Variants in SH3TC1 observed in about 807,000 individuals in gnomAD.
SH3TC1 encodes the protein SH3 domain and tetratricopeptide repeat-containing protein 1.
Under a neutral mutation model 117.3 loss-of-function variants are expected in SH3TC1, and 135 were observed. The ratio of observed to expected loss-of-function variants is 1.15; its 90% CI spans 1.00 to 1.33. The LOEUF (loss-of-function observed/expected upper bound fraction) is 1.33. Ranked by LOEUF, SH3TC1 falls within the 40% of genes most tolerant of loss-of-function variation. SH3TC1 has a pLI of 0.00. For missense variants in SH3TC1, 2,092 were observed against 1,794.3 expected, an observed-to-expected ratio of 1.17 and a Z score of -3.00; for synonymous variants, 898 against 816.9, an observed-to-expected ratio of 1.10 and a Z score of -1.69.
rs578049364 is a variant in SH3TC1, at chr4:8,233,347, C to T, written c.3132-16C>T. ...AGGATGACAGCCCTTGTTCTGACAC[C>T]TGTGTCTGATACCAGGGCCTACAAA... On this transcript the variant is annotated splice_polypyrimidine_tract_variant and intron_variant, in intron 13 of 17. Coordinates refer to ENST00000245105, the MANE Select transcript of SH3TC1 (RefSeq NM_018986.5). The T allele has an allele frequency of 1.9e-6, 3 of 1,596,246 alleles. No homozygotes were observed. In the African/African-American group the frequency reaches 4.0e-5, roughly 21 times the overall value.
At chr4:8,234,266 CCCAT>C (rs1205040546) in intron 14 of SH3TC1, among the ~76,000 whole-genome samples, 16 of 151,370 alleles carry the variant, frequency 1.1e-4, no homozygotes, top group Non-Finnish European at 2.2e-4. Context: ...TGTTTGTCCA[CCCAT>C]CCATTTATCC....
rs186048495 is a variant in SH3TC1, at chr4:8,206,355, C to T, written c.172+989C>T. 1.7e-3 allele frequency among the ~76,000 whole-genome samples: 253 copies of T among 152,048 alleles called. No individual in the cohort carries two copies. The highest frequency in any genetic ancestry group is 5.7e-3 in the African/African-American group (235 of 41,460). ...TGGGGAGCCCACCTGGCCATGGAAT[C>T]GCGTTCCCTCCAGGGCAGGCCTCAT... On this transcript the variant is annotated intron_variant, in intron 2 of 17. Transcript: ENST00000245105. This position sits in a 1 kb window ranked among gnomAD's most constrained non-coding sequence, Gnocchi z 5.5.
At chr4:8,191,780 T>C (rs1717422822) in intron 1 of SH3TC1, among the ~76,000 whole-genome samples, 1 of 151,946 alleles carries the variant, frequency 6.6e-6, no homozygotes, top group Non-Finnish European at 1.5e-5. Context: ...GATAATGCCT[T>C]GGGAGGTGTG....
In SH3TC1 at chr4:8,241,081, G is replaced by A; in HGVS notation, c.*126G>A. The A allele has an allele frequency of 7.5e-7, 1 of 1,332,756 alleles. No homozygotes were observed. Among genetic ancestry groups the A allele is most frequent in the Non-Finnish European group, 1.0e-6 (1 of 997,318 alleles). The allele number at this position is 1,332,756 out of a possible 1,614,324, so 82.6% of individuals were successfully genotyped here. On this transcript the variant is annotated 3_prime_UTR_variant, in exon 18 of 18. Transcript: ENST00000245105. ...GCAGGGGCCAAATAGCAATAAATGG[G>A]TTTTGTTTTTTTTTTGCAATAACTT...
Position 8,192,545 on chromosome 4 carries a change from G to T in SH3TC1, c.-57+10335G>T, listed in dbSNP as rs192871992. ...GTCTCACTCTGTTGCCCAGGCTGGA[G>T]TGCCGTGGCATGATCTCAGCTCACT... On this transcript the variant is annotated intron_variant, in intron 1 of 16. Transcript: ENST00000508641. The surrounding 1 kb of genome is among the most constrained non-coding windows in gnomAD (Gnocchi z 4.1). 2.6e-3 allele frequency among the ~76,000 whole-genome samples: 390 copies of T among 151,510 alleles called. 1 individual carries two copies. Among genetic ancestry groups the T allele is most frequent in the Middle Eastern group, 6.8e-3 (2 of 294 alleles).
In SH3TC1 at chr4:8,206,658, A is replaced by G. The variant is rs914655502; in HGVS notation, c.172+1292A>G. Among the ~76,000 whole-genome samples the G allele has an allele frequency of 6.6e-6, 1 of 151,548 alleles. No homozygotes were observed. Among genetic ancestry groups the G allele is most frequent in the Admixed American group, 6.6e-5 (1 of 15,250 alleles). On this transcript the variant is annotated intron_variant, in intron 2 of 17. Coordinates refer to ENST00000245105, the MANE Select transcript of SH3TC1 (RefSeq NM_018986.5). The surrounding 1 kb of genome is among the most constrained non-coding windows in gnomAD (Gnocchi z 5.5). ...TGAGGAAACTTTCCCTGCTTGGCCA[A>G]GGGAAAGCTGGCTTGGGGTGGGGCT... is the stretch of plus-strand genomic sequence containing the variant.
rs912666162 is a variant in SH3TC1 at position 8,190,719 on chromosome 4, C to T, written c.-57+8509C>T. Among the ~76,000 whole-genome samples, 2 of 152,090 alleles carry T rather than the reference C, an allele frequency of 1.3e-5. No individual in the cohort carries two copies. Among genetic ancestry groups the T allele is most frequent in the Non-Finnish European group, 2.9e-5 (2 of 68,002 alleles). ...GCAGTAGTGTGGTTATCGCTCGCTGCAGCCTCCAACTCCTGGGCTCAAGCA... is the reference window on the plus strand; with the variant it reads ...GCAGTAGTGTGGTTATCGCTCGCTGTAGCCTCCAACTCCTGGGCTCAAGCA... On this transcript the variant is annotated intron_variant, in intron 1 of 16. Coordinates refer to the SH3TC1 transcript ENST00000508641. The surrounding 1 kb of genome is among the most constrained non-coding windows in gnomAD (Gnocchi z 4.7).
chr4:8,217,953 A>G (rs765957631), intron 7 of SH3TC1, among the ~76,000 whole-genome samples: 1 of 151,784 alleles, frequency 6.6e-6, no homozygotes, highest in Non-Finnish European at 1.5e-5. Flanking sequence ...CTCACCCCTC[A>G]CTGTGTGGAG....
chr4:8,201,541 C>A (rs997449545), intron 1 of SH3TC1: 2 of 152,528 alleles, frequency 1.3e-5, no homozygotes, highest in Non-Finnish European at 2.9e-5. Context: ...GGTGGTCCCC[C>A]AGCTGGGTGA....
Position 8,225,153 on chromosome 4 carries a change from C to T in SH3TC1, c.1244-22C>T. The T allele has an allele frequency of 1.2e-6, 2 of 1,613,560 alleles. No individual in the cohort carries two copies. Among genetic ancestry groups the T allele is most frequent in the Non-Finnish European group, 1.7e-6 (2 of 1,179,858 alleles). ...AGGTACTGGCTGGGGGTGTTGATTGCTTCTCTTTTCTCCCTTGCCAGACTC... is the reference window on the plus strand; with the variant it reads ...AGGTACTGGCTGGGGGTGTTGATTGTTTCTCTTTTCTCCCTTGCCAGACTC... On this transcript the variant is annotated intron_variant, in intron 10 of 17. Transcript: ENST00000245105. This position sits in a 1 kb window ranked among gnomAD's most constrained non-coding sequence, Gnocchi z 5.5.
At chr4:8,212,580 C>T in intron 3 of SH3TC1, 121 bp from the exon 4 acceptor site, 1 of 1,389,370 alleles carries the variant, frequency 7.2e-7, no homozygotes, top group Non-Finnish European at 9.8e-7. Flanking sequence ...TCCCCAGGAG[C>T]TCACTGCCCA....
chr4:8,229,851 C>T (rs191095748), intron 12 of SH3TC1, among the ~76,000 whole-genome samples: 8 of 152,240 alleles, frequency 5.3e-5, no homozygotes, highest in Admixed American at 6.5e-5. Context: ...CGAGGCCCTC[C>T]CCGGGGTGCT....
rs200703857 is a variant in SH3TC1, at chr4:8,193,734, G to T, written c.-57+11524G>T. Among the ~76,000 whole-genome samples, 37 of 152,304 alleles carry T rather than the reference G, an allele frequency of 2.4e-4. No homozygotes were observed. In the East Asian group the frequency reaches 2.9e-3, roughly 12 times the overall value. ...GGGGTGCTGCCATCGCCAGTGGCAG[G>T]TGGGGCTCCAAGCTGCAAAAAGCAG... On this transcript the variant is annotated intron_variant, in intron 1 of 16. Transcript: ENST00000508641.
intron 5 of SH3TC1, 114 bp from the exon 6 acceptor site, chr4:8,215,997 T>C: frequency 7.7e-7 from 1 of 1,305,476 alleles, no homozygotes. Context: ...GTGTCTTCCA[T>C]GGTCTCCCTG....
Position 8,236,292 on chromosome 4 carries a change from C to T in SH3TC1, c.3420C>T (p.Pro1140=). 1 of 1,554,906 alleles carries T rather than the reference C, an allele frequency of 6.4e-7. No homozygotes were observed. The highest frequency in any genetic ancestry group is 8.7e-7 in the Non-Finnish European group (1 of 1,150,100). The change falls in exon 16 of 18, where the codon CCC becomes CCT. Residue 1140 remains proline, a synonymous_variant. Transcript: ENST00000245105. The part of the protein sequence containing the change: ...AVSFYRDRAL[P]LAVTTGNRKA... ...CTGTGTGGCAGGACCGGGCCCTGCC[C>T]CTGGCAGTGACTACGGGCAACCGCA...
chr4:8,189,253 A>G lies in SH3TC1; in HGVS notation c.-57+7043A>G, dbSNP rs375321072. ...TGTGCTGGGCACGTGGCCCACAGAG[A>G]GCAAGGCCCGCCAGTCTCCTCGCTG... is the stretch of plus-strand genomic sequence containing the variant. On this transcript the variant is annotated intron_variant, in intron 1 of 16. Transcript: ENST00000508641. Among the ~76,000 whole-genome samples, 14 of 152,282 alleles carry G rather than the reference A, an allele frequency of 9.2e-5. No individual in the cohort carries two copies. In the South Asian group the frequency reaches 1.2e-3, roughly 14 times the overall value.
At chr4:8,221,660 G>T (rs1395949177) in intron 9 of SH3TC1, among the ~76,000 whole-genome samples, 1 of 152,090 alleles carries the variant, frequency 6.6e-6, no homozygotes, top group Non-Finnish European at 1.5e-5. Flanking sequence ...CCTAAATAAT[G>T]CAGTATGTGG....
chr4:8,216,836 C>T, intron 6 of SH3TC1, 121 bp from the exon 7 acceptor site: 1 of 998,286 alleles, frequency 1.0e-6, no homozygotes, highest in South Asian at 1.4e-5. Context: ...TGCCTGCAGA[C>T]ACTGGGGGGG....
At chr4:8,226,210 G>GC (rs1246432814) in intron 11 of SH3TC1, among the ~76,000 whole-genome samples, 1 of 152,168 alleles carries the variant, frequency 6.6e-6, no homozygotes, top group African/African-American at 2.4e-5. Context: ...AACAGGAAAT[G>GC]CGCTTGTTTG....
Sources: gnomAD v4.1 joint callset for allele counts (sites outside exome capture counted in the v4.1 genomes callset) on GRCh38, gnomAD v4.1.1 for gene constraint, Gnocchi (gnomAD v3.1) non-coding constraint, MANE v1.5 for transcripts, NCBI Gene and HGNC (gene_info 2026-07-23, HGNC 2026-07-21) for gene names.